Variants in SGTB observed in about 807,000 individuals in gnomAD.
SGTB encodes the protein small glutamine rich tetratricopeptide repeat co-chaperone beta.
Under a neutral mutation model 43.9 loss-of-function variants are expected in SGTB, and 19 were observed. That is an observed-to-expected ratio of 0.43 (90% CI 0.30 to 0.63). The LOEUF (loss-of-function observed/expected upper bound fraction) is 0.63, where lower values mean the gene tolerates loss of function less well. SGTB is among the 30% of genes least tolerant of loss of function. SGTB has a pLI of 0.12. For synonymous variants in SGTB, 116 were observed against 117.3 expected, an observed-to-expected ratio of 0.99 and a Z score of 0.07; for missense variants, 304 against 358.9, an observed-to-expected ratio of 0.85 and a Z score of 1.24.
In SGTB at chr5:65,667,354, T is replaced by C. The variant is rs1458299130; in HGVS notation, c.*2892A>G. The C allele has an allele frequency of 6.6e-6, 1 of 152,242 alleles. No individual in the cohort carries two copies. The highest frequency in any genetic ancestry group is 1.5e-5 in the Non-Finnish European group (1 of 68,034). 9.4% of individuals were successfully genotyped at this position (152,242 alleles called of 1,614,324 possible). ...AAAAGCATTTTTAATGCACTCAAGA[T>C]AGTTATGCTAGAAACTTTAACTTCT... On this transcript the variant is annotated 3_prime_UTR_variant, in exon 11 of 11. Transcript: ENST00000381007.
chr5:65,704,736 T>C (rs1757897223), intron 4 of SGTB, among the ~76,000 whole-genome samples: 1 of 152,164 alleles, frequency 6.6e-6, no homozygotes, highest in Non-Finnish European at 1.5e-5. Flanking sequence ...CCCAGCCCGT[T>C]CCAGATGCAA....
intron 5 of SGTB, among the ~76,000 whole-genome samples, chr5:65,700,453 G>A (rs968918742): frequency 2.0e-5 from 3 of 152,012 alleles, no homozygotes; most frequent in Non-Finnish European, 2.9e-5. Context: ...TGGATCACGA[G>A]GTCAGGAGAT....
chr5:65,713,022 T>G lies in SGTB; in HGVS notation c.143A>C (p.Glu48Ala). The G allele has an allele frequency of 6.2e-7, 1 of 1,613,678 alleles. No individual in the cohort carries two copies. The highest frequency in any genetic ancestry group is 8.5e-7 in the Non-Finnish European group (1 of 1,179,866). The change falls in exon 3 of 11, where the codon GAA becomes GCA. Residue 48 changes from glutamate (E) to alanine (A), a missense_variant. Glu to Ala is a moderately radical substitution (Grantham distance 107). Transcript: ENST00000381007. The stretch of plus-strand genomic sequence containing the variant: ...CTGTGAAACTGCTAGGTGTGTATCT[T>G]CTGGGCTGATCTTAAAAACTGTCTC... The part of the protein sequence containing the change: ...CLETVFKISP[E>A]DTHLAVSQPL...
intron 6 of SGTB, 127 bp from the exon 7 acceptor site, chr5:65,680,921 T>C: frequency 9.3e-7 from 1 of 1,074,478 alleles, no homozygotes; most frequent in South Asian, 1.7e-5. Context: ...ATTTATTCAC[T>C]GTACTATGGC....
intron 3 of SGTB, among the ~76,000 whole-genome samples, chr5:65,709,383 T>C (rs1758001393): frequency 2.4e-5 from 3 of 126,776 alleles, no homozygotes; most frequent in African/African-American, 1.2e-4. Context: ...TATTGTCCAG[T>C]TTTTTTTTTT....
chr5:65,672,723 C>T (rs895584579), intron 8 of SGTB, among the ~76,000 whole-genome samples: 7 of 152,192 alleles, frequency 4.6e-5, no homozygotes, highest in African/African-American at 1.7e-4. Flanking sequence ...TATTTATGTG[C>T]ACACATACTT....
chr5:65,692,427 C>A (rs910680640), intron 5 of SGTB, among the ~76,000 whole-genome samples: 4 of 152,106 alleles, frequency 2.6e-5, no homozygotes, highest in African/African-American at 9.7e-5. Flanking sequence ...ATGGGACAGT[C>A]TGAAAATATG....
intron 1 of SGTB, among the ~76,000 whole-genome samples, chr5:65,721,092 C>G (rs1758265246): frequency 6.6e-6 from 1 of 152,176 alleles, no homozygotes; most frequent in African/African-American, 2.4e-5. Flanking sequence ...GTCTTCAAAA[C>G]ATGTACAGCA....
At chr5:65,700,522 T>A (rs1308239936) in intron 5 of SGTB, among the ~76,000 whole-genome samples, 2 of 147,152 alleles carry the variant, frequency 1.4e-5, no homozygotes, top group East Asian at 2.0e-4. Flanking sequence ...CTAAAAAAAA[T>A]ACAAAAAAAT....
chr5:65,705,820 A>G (rs34972), intron 4 of SGTB, among the ~76,000 whole-genome samples: 95,860 of 149,530 alleles, frequency 0.64, 31,125 homozygotes, highest in African/African-American at 0.7. Context: ...TTGAGCCCAG[A>G]AATTAGAAAC....
chr5:65,679,774 A>G (rs2150705832), intron 8 of SGTB, among the ~76,000 whole-genome samples: 2 of 152,338 alleles, frequency 1.3e-5, no homozygotes, highest in African/African-American at 4.8e-5. Context: ...AAAGACCTAG[A>G]AGCAGAAATA....
intron 10 of SGTB, among the ~76,000 whole-genome samples, chr5:65,670,652 T>C (rs1309540942): frequency 6.6e-6 from 1 of 152,232 alleles, no homozygotes; most frequent in African/African-American, 2.4e-5. Context: ...AAGACGTATA[T>C]GTTTTTATTG....
At chr5:65,720,202 C>T (rs2150726761) in intron 2 of SGTB, among the ~76,000 whole-genome samples, 1 of 151,890 alleles carries the variant, frequency 6.6e-6, no homozygotes, top group East Asian at 1.9e-4. Context: ...CTATCTCAGC[C>T]TCCTGAGTAG....
At chr5:65,688,898 C>T (rs2150710429) in intron 5 of SGTB, among the ~76,000 whole-genome samples, 1 of 152,346 alleles carries the variant, frequency 6.6e-6, no homozygotes, top group African/African-American at 2.4e-5. Context: ...CAAGCTCCGC[C>T]TCCTGGGTTC....
chr5:65,708,641 C>T, intron 3 of SGTB, 83 bp from the exon 4 acceptor site: 1 of 1,061,010 alleles, frequency 9.4e-7, no homozygotes, highest in South Asian at 1.8e-5. Context: ...TAATAAATTA[C>T]CCACATTTTA....
chr5:65,696,058 T>C (rs1324792339), intron 5 of SGTB, among the ~76,000 whole-genome samples: 4 of 152,218 alleles, frequency 2.6e-5, no homozygotes, highest in Non-Finnish European at 1.5e-5. Flanking sequence ...TCTGTTCCCA[T>C]CTTTCTCAGA....
At chr5:65,680,875 T>G in intron 6 of SGTB, 81 bp from the exon 7 acceptor site, 1 of 1,425,664 alleles carries the variant, frequency 7.0e-7, no homozygotes, top group Non-Finnish European at 9.5e-7. Context: ...AACGTCTGTC[T>G]GTCTTGGTAT....
At chr5:65,671,879 T>C in intron 10 of SGTB, 36 bp downstream of exon 10, 2 of 1,584,494 alleles carry the variant, frequency 1.3e-6, no homozygotes, top group Non-Finnish European at 1.7e-6. Context: ...AAACATAAAA[T>C]ACATCTTCAC....
chr5:65,672,206 G>T (rs376694084), intron 9 of SGTB, 38 bp downstream of exon 9: 2 of 1,613,246 alleles, frequency 1.2e-6, no homozygotes, highest in Non-Finnish European at 1.7e-6. Context: ...CAAGTGGAAG[G>T]GTTGGGGAAG....
Sources: gnomAD v4.1 joint callset for allele counts (sites outside exome capture counted in the v4.1 genomes callset) on GRCh38, gnomAD v4.1.1 for gene constraint, MANE v1.5 for transcripts, NCBI Gene and HGNC (gene_info 2026-07-23, HGNC 2026-07-21) for gene names.